ELFN2: variants seen among roughly 807,000 people sequenced by gnomAD.
ELFN2 encodes the protein protein phosphatase 1 regulatory subunit 29.
Under a neutral mutation model 45.5 loss-of-function variants are expected in ELFN2, and 17 were observed. The ratio of observed to expected loss-of-function variants is 0.37; its 90% CI spans 0.26 to 0.56. ELFN2 has a LOEUF of 0.56. ELFN2 is among the 20% of genes least tolerant of loss of function. The pLI is 0.77. For missense variants in ELFN2, 922 were observed against 1,183.2 expected, an observed-to-expected ratio of 0.78 and a Z score of 3.24; for synonymous variants, 550 against 551.5, an observed-to-expected ratio of 1.00 and a Z score of 0.04.
chr22:37,374,670 A>C lies in ELFN2; in HGVS notation c.865T>G (p.Ser289Ala), dbSNP rs1485781768. The C allele has an allele frequency of 1.9e-6, 3 of 1,611,370 alleles. No homozygotes were observed. Among genetic ancestry groups the C allele is most frequent in the Non-Finnish European group, 2.5e-6 (3 of 1,178,098 alleles). ...GGCCCTGCCGACGCATCCGTGGTGG[A>C]CGAGGCCGGCGGCTCCACCGAAAGG... ...EILSVEPPAS[S>A]TTDASAGPAI... Residue 289 changes from serine to alanine, a missense_variant, in exon 3 of 3, where the codon TCC becomes GCC. Around this residue, in one of 2 missense-constraint regions of ELFN2, gnomAD observed 358 missense variants for 540.4 expected, o/e 0.66. Transcript: ENST00000402918.
chr22:37,341,107 G>A (rs1333344598), intron 2 of ELFN2: 2 of 152,460 alleles, frequency 1.3e-5, no homozygotes, highest in Non-Finnish European at 2.9e-5. Context: ...AGACCATGAG[G>A]GGCACCCACC....
At chr22:37,418,589 A>AC (rs1286432226) in intron 1 of ELFN2, among the ~76,000 whole-genome samples, 4 of 147,168 alleles carry the variant, frequency 2.7e-5, no homozygotes, top group Non-Finnish European at 6.0e-5. Context: ...CACTCCCCTG[A>AC]CCCCCAGTGC....
At chr22:37,387,575 T>G (rs1931982863) in intron 2 of ELFN2, among the ~76,000 whole-genome samples, 1 of 152,172 alleles carries the variant, frequency 6.6e-6, no homozygotes, top group Non-Finnish European at 1.5e-5. Flanking sequence ...TCGTCCGCGC[T>G]GGTGCCAGGC....
intron 2 of ELFN2, among the ~76,000 whole-genome samples, chr22:37,414,989 G>GT (rs1932740116): frequency 6.6e-6 from 1 of 152,210 alleles, no homozygotes; most frequent in African/African-American, 2.4e-5. Flanking sequence ...GCTCTGGCAA[G>GT]GTGAAGTAGG....
downstream of ELFN2, among the ~76,000 whole-genome samples, chr22:37,367,504 G>A (rs1931231259): frequency 6.6e-6 from 1 of 152,232 alleles, no homozygotes; most frequent in Non-Finnish European, 1.5e-5. Context: ...ATAGACAGGG[G>A]CAGCAAGAGG....
chr22:37,360,531 C>T (rs891374466), intron 1 of ELFN2, among the ~76,000 whole-genome samples: 3 of 152,284 alleles, frequency 2.0e-5, no homozygotes, highest in Admixed American at 6.5e-5. Flanking sequence ...AGTTAAGAGC[C>T]GTGGACCACG....
chr22:37,361,161 A>G (rs1476861079), intron 1 of ELFN2, among the ~76,000 whole-genome samples: 2 of 152,142 alleles, frequency 1.3e-5, no homozygotes, highest in East Asian at 1.9e-4. Flanking sequence ...GGTGCCTCAC[A>G]TGGCATGTAG....
chr22:37,364,764 G>A (rs1743370345), downstream of ELFN2, among the ~76,000 whole-genome samples: 1 of 152,248 alleles, frequency 6.6e-6, no homozygotes, highest in Non-Finnish European at 1.5e-5. Flanking sequence ...TTGGAGAACA[G>A]GAGTCTGAGA....
At chr22:37,342,152 C>T (rs73408355) in intron 2 of ELFN2, among the ~76,000 whole-genome samples, 3,486 of 152,236 alleles carry the variant, frequency 0.023, 120 homozygotes, top group African/African-American at 0.079. Flanking sequence ...CCCTGGAGAC[C>T]GAGCAAGTCT....
Position 37,374,953 on chromosome 22 carries a change from G to A in ELFN2, c.582C>T (p.Phe194=), listed in dbSNP as rs146700910. ...AGACCACCAGCCAGGCCAGGAAGCC[G>A]AAGAGGTCGCACTCACAGTTGAAGG... ...GNPFNCECDL[F]GFLAWLVVFN... The change falls in exon 3 of 3, where the codon TTC becomes TTT. Residue 194 remains phenylalanine (F), a synonymous_variant. Transcript: ENST00000402918. The A allele has an allele frequency of 8.1e-5, 131 of 1,613,066 alleles. No homozygotes were observed. The highest frequency in any genetic ancestry group is 3.2e-4 in the Admixed American group (19 of 60,000).
intron 1 of ELFN2, among the ~76,000 whole-genome samples, chr22:37,424,218 T>C (rs566246888): frequency 1.3e-5 from 2 of 152,070 alleles, no homozygotes; most frequent in South Asian, 2.1e-4. Flanking sequence ...CCTTTCACAC[T>C]CACACATCAC....
At chr22:37,376,897 G>A (rs1446472170) in intron 2 of ELFN2, among the ~76,000 whole-genome samples, 1 of 152,220 alleles carries the variant, frequency 6.6e-6, no homozygotes, top group Non-Finnish European at 1.5e-5. Flanking sequence ...CAGAGGCCCA[G>A]AGAGGGACAG....
chr22:37,399,048 G>T (rs936456849), intron 2 of ELFN2, among the ~76,000 whole-genome samples: 29 of 152,004 alleles, frequency 1.9e-4, no homozygotes, highest in African/African-American at 4.8e-5. Context: ...GGCCCGGAGG[G>T]AGCTCAGGGG....
intron 1 of ELFN2, among the ~76,000 whole-genome samples, chr22:37,419,676 A>G (rs1932794159): frequency 6.6e-6 from 1 of 152,094 alleles, no homozygotes; most frequent in East Asian, 1.9e-4. Context: ...ACGCCAAAAC[A>G]TACATGCCCC....
Position 37,372,787 on chromosome 22 carries a change from A to C in ELFN2, c.*285T>G, listed in dbSNP as rs1464016572. 4.9e-6 allele frequency: 1 copy of C among 205,376 alleles called. No homozygotes were observed. The highest frequency in any genetic ancestry group is 7.3e-5 in the Admixed American group (1 of 13,780). The allele number at this position is 205,376 out of a possible 1,614,324, so 12.7% of individuals were successfully genotyped here. ...CCAGCCCCCCGGCCCTGCACACCCC[A>C]GCAGAGTCCCTGGGCAGCACAGTAA... On this transcript the variant is annotated 3_prime_UTR_variant, in exon 3 of 3. Transcript: ENST00000402918. This position sits in a 1 kb window ranked among gnomAD's most constrained non-coding sequence, Gnocchi z 4.4.
At chr22:37,352,718 G>A (rs935015482) in intron 1 of ELFN2, among the ~76,000 whole-genome samples, 1 of 150,850 alleles carries the variant, frequency 6.6e-6, no homozygotes, top group Non-Finnish European at 1.5e-5. Context: ...CAGTGTGGCT[G>A]GGGCAGGAAA....
chr22:37,416,242 G>T (rs1932758587), intron 2 of ELFN2, among the ~76,000 whole-genome samples: 1 of 152,206 alleles, frequency 6.6e-6, no homozygotes, highest in South Asian at 2.1e-4. Flanking sequence ...GGGACTGGGG[G>T]GAGAGAGAGG....
rs11913081 is a variant in ELFN2 at position 37,409,404 on chromosome 22, C to G, written c.-463+8365G>C. On this transcript the variant is annotated intron_variant, in intron 2 of 2. Transcript: ENST00000402918. ...TCTCCCGGCACCACCTTCCAAGTCC[C>G]TGGGTACTCTGTCCCCAGAGACAGC... Among the ~76,000 whole-genome samples the G allele has an allele frequency of 5.0e-3, 764 of 152,266 alleles. 9 individuals carry two copies. The highest frequency in any genetic ancestry group is 0.018 in the African/African-American group (750 of 41,552).
chr22:37,407,702 C>T (rs1204244765), intron 2 of ELFN2, among the ~76,000 whole-genome samples: 1 of 151,896 alleles, frequency 6.6e-6, no homozygotes, highest in South Asian at 2.1e-4. Flanking sequence ...TTGAGACCAT[C>T]CTGGCTAACA....
Sources: gnomAD v4.1 joint callset for allele counts (sites outside exome capture counted in the v4.1 genomes callset) on GRCh38, gnomAD v4.1.1 for gene constraint, gnomAD v4.1.1 regional missense constraint, Gnocchi (gnomAD v3.1) non-coding constraint, MANE v1.5 for transcripts, NCBI Gene and HGNC (gene_info 2026-07-23, HGNC 2026-07-21) for gene names.